The following NT5C2 variants were observed in gnomAD, a reference collection of about 807,000 sequenced individuals.
NT5C2 encodes the protein 5'-nucleotidase, cytosolic II.
NT5C2 carries 58 observed loss-of-function variants against 76.1 expected under a neutral mutation model. The observed-to-expected ratio is 0.76, with a 90% CI of 0.62 to 0.95. The LOEUF is 0.95. Ranked by LOEUF, NT5C2 falls within the 40% of genes least tolerant of loss-of-function variation. The pLI is 0.00. For missense variants in NT5C2, 478 were observed against 690.3 expected (o/e 0.69, Z 3.45); for synonymous variants, 229 against 237.4 (o/e 0.96, Z 0.32).
intron 4 of NT5C2, among the ~76,000 whole-genome samples, chr10:103,123,423 A>G (rs946081079): frequency 2.0e-5 from 3 of 152,042 alleles, no homozygotes; most frequent in Non-Finnish European, 4.4e-5. Context: ...AGGTCTCACT[A>G]TGTTGCACAG....
chr10:103,189,632 GA>G (rs1336254444), intron 1 of NT5C2, among the ~76,000 whole-genome samples: 1 of 149,080 alleles, frequency 6.7e-6, no homozygotes, highest in African/African-American at 2.5e-5. Flanking sequence ...AAAAAACAAA[GA>G]TTAAGACTGT....
chr10:103,172,412 C>T (rs1421687547), intron 3 of NT5C2, among the ~76,000 whole-genome samples: 2 of 151,280 alleles, frequency 1.3e-5, no homozygotes, highest in Non-Finnish European at 2.9e-5. Context: ...CCACACCCGG[C>T]TAATTTTTGT....
intron 4 of NT5C2, among the ~76,000 whole-genome samples, chr10:103,138,629 G>A (rs2079778930): frequency 6.6e-6 from 1 of 152,206 alleles, no homozygotes; most frequent in Non-Finnish European, 1.5e-5. Context: ...TTATGTGGCT[G>A]CAGCTCTAGT....
intron 1 of NT5C2, among the ~76,000 whole-genome samples, chr10:103,181,899 C>T (rs888091696): frequency 1.3e-5 from 2 of 151,346 alleles, no homozygotes; most frequent in East Asian, 1.9e-4. Flanking sequence ...CCCAGCTACT[C>T]GAGAAGCTGA....
chr10:103,193,230 A>C lies in NT5C2; in HGVS notation c.-169+6T>G, dbSNP rs1206223431. 6.7e-6 allele frequency: 1 copy of C among 150,074 alleles called. No individual in the cohort carries two copies. The highest frequency in any genetic ancestry group is 1.5e-5 in the Non-Finnish European group (1 of 67,360). The allele number at this position is 150,074 out of a possible 1,614,324, so 9.3% of individuals were successfully genotyped here. A position where few individuals can be genotyped will look rare whatever the true frequency, so the allele number is the denominator to read the frequency against. On this transcript the variant is annotated splice_donor_region_variant and intron_variant, in intron 1 of 18. Transcript: ENST00000404739. ...CCCGCCCGCCCACGGGGCCCGCCGC[A>C]CTCACCGGCTCCAGCGCACCGCAAC...
rs1010018800 is a variant in NT5C2 at position 103,128,479 on chromosome 10, G to T, written c.175+10927C>A. ...AGTGCCGAGATTGCAGCCTCTGCCCGGCCACCACCCCGTCTGGGAAGTGAG... is the reference window on the plus strand; with the variant it reads ...AGTGCCGAGATTGCAGCCTCTGCCCTGCCACCACCCCGTCTGGGAAGTGAG... On this transcript the variant is annotated intron_variant, in intron 4 of 18. Coordinates refer to ENST00000404739, the MANE Select transcript of NT5C2 (RefSeq NM_001351169.2). 3.1e-4 allele frequency among the ~76,000 whole-genome samples: 35 copies of T among 112,368 alleles called. 3 individuals are homozygous for T. In the South Asian group the frequency reaches 5.8e-3, roughly 19 times the overall value. 73.7% of individuals were successfully genotyped at this position (112,368 alleles called of 152,430 possible).
At chr10:103,175,622 G>A (rs941701391) in intron 2 of NT5C2, 3 of 213,306 alleles carry the variant, frequency 1.4e-5, no homozygotes, top group Admixed American at 4.6e-5. Flanking sequence ...TGCTTCCCCT[G>A]CAAAGGCCAA....
chr10:103,109,408 A>G (rs2072331082), intron 4 of NT5C2, among the ~76,000 whole-genome samples: 1 of 152,090 alleles, frequency 6.6e-6, no homozygotes, highest in South Asian at 2.1e-4. Flanking sequence ...ACCCTCCTCA[A>G]TGCCCCATGC....
chr10:103,174,224 T>C (rs1173295862), intron 3 of NT5C2, among the ~76,000 whole-genome samples: 1 of 151,892 alleles, frequency 6.6e-6, no homozygotes, highest in Admixed American at 6.6e-5. Flanking sequence ...CTGGCCAACA[T>C]GGCAAAACCC....
intron 4 of NT5C2, among the ~76,000 whole-genome samples, chr10:103,133,675 T>C (rs369600549): frequency 1.3e-5 from 2 of 152,182 alleles, no homozygotes; most frequent in African/African-American, 4.8e-5. Flanking sequence ...TGAAAAGATA[T>C]CCAAAAATGT....
At chr10:103,175,423 G>C (rs924035252) in intron 2 of NT5C2, 1 of 161,676 alleles carries the variant, frequency 6.2e-6, no homozygotes, top group Non-Finnish European at 1.4e-5. Flanking sequence ...GGTTGGAATG[G>C]GGGTACAGCT....
Position 103,098,988 on chromosome 10 carries a change from G to C in NT5C2, c.634-4C>G. 6.3e-7 allele frequency: 1 copy of C among 1,599,938 alleles called. No homozygotes were observed. Among genetic ancestry groups the C allele is most frequent in the Non-Finnish European group, 8.5e-7 (1 of 1,170,006 alleles). The stretch of plus-strand genomic sequence containing the variant: ...CTGTCTTTTCCTTAAGGGAGCCCTG[G>C]AGGAAGACAAAAAAAAGAATTAAGA... On this transcript the variant is annotated splice_polypyrimidine_tract_variant and splice_region_variant and intron_variant, in intron 9 of 18. Transcript: ENST00000404739.
intron 11 of NT5C2, 32 bp downstream of exon 11, chr10:103,097,259 T>G: frequency 6.7e-7 from 1 of 1,481,854 alleles, no homozygotes; most frequent in Non-Finnish European, 9.3e-7. Context: ...ATAATTCCAC[T>G]GCATAAATAA....
Position 103,110,580 on chromosome 10 carries a change from C to A in NT5C2, c.176-3874G>T, listed in dbSNP as rs116395263. Among the ~76,000 whole-genome samples, 342 of 152,260 alleles carry A rather than the reference C, an allele frequency of 2.2e-3. 4 individuals carry two copies. Among genetic ancestry groups the A allele is most frequent in the African/African-American group, 7.8e-3 (324 of 41,564 alleles). ...GGTGTTGAAACATACACTTCTCCCT[C>A]CAATTTTTTTCAACTAGTCCAAAAT... On this transcript the variant is annotated intron_variant, in intron 4 of 18. Transcript: ENST00000404739.
At chr10:103,144,596 G>A (rs1205221459) in intron 3 of NT5C2, among the ~76,000 whole-genome samples, 1 of 152,042 alleles carries the variant, frequency 6.6e-6, no homozygotes, top group Non-Finnish European at 1.5e-5. Context: ...TAAACTCTAG[G>A]AATAACATAT....
chr10:103,126,127 A>G (rs1309075074), intron 4 of NT5C2, among the ~76,000 whole-genome samples: 1 of 152,234 alleles, frequency 6.6e-6, no homozygotes. Context: ...GGGCAACTTA[A>G]TAAATTAGGA....
intron 4 of NT5C2, among the ~76,000 whole-genome samples, chr10:103,134,717 T>C (rs1364933301): frequency 6.6e-6 from 1 of 152,172 alleles, no homozygotes; most frequent in Admixed American, 6.5e-5. Context: ...ACTGACAGCT[T>C]GCACCGTGCA....
chr10:103,178,708 T>C (rs931194967), intron 2 of NT5C2, among the ~76,000 whole-genome samples: 1 of 151,438 alleles, frequency 6.6e-6, no homozygotes, highest in African/African-American at 2.4e-5. Flanking sequence ...CACGCATCTG[T>C]AATCCCAGCT....
intron 2 of NT5C2, among the ~76,000 whole-genome samples, chr10:103,178,886 G>A (rs2090532660): frequency 6.7e-6 from 1 of 148,250 alleles, no homozygotes; most frequent in Admixed American, 6.7e-5. Flanking sequence ...TCTGTAAACA[G>A]AGTGGTCATT....
Sources: gnomAD v4.1 joint callset for allele counts (sites outside exome capture counted in the v4.1 genomes callset) on GRCh38, gnomAD v4.1.1 for gene constraint, MANE v1.5 for transcripts, NCBI Gene and HGNC (gene_info 2026-07-23, HGNC 2026-07-21) for gene names.